The following CREB3L1 variants were observed in gnomAD, a reference collection of about 807,000 sequenced individuals.
CREB3L1 encodes cAMP responsive element binding protein 3 like 1.
CREB3L1 carries 33 observed loss-of-function variants against 54.5 expected under a neutral mutation model. The ratio of observed to expected loss-of-function variants is 0.61; its 90% CI spans 0.46 to 0.81. CREB3L1 has a LOEUF of 0.81. Among genes scored for constraint, CREB3L1 ranks in the 30% least tolerant of loss-of-function variants. CREB3L1 has a pLI of 0.00. For synonymous variants in CREB3L1, 284 were observed against 286.4 expected, an observed-to-expected ratio of 0.99 and a Z score of 0.08; for missense variants, 656 against 673.3, an observed-to-expected ratio of 0.97 and a Z score of 0.29.
chr11:46,287,462 C>T (rs1939070844), intron 1 of CREB3L1, among the ~76,000 whole-genome samples: 1 of 151,932 alleles, frequency 6.6e-6, no homozygotes, highest in Non-Finnish European at 1.5e-5. Context: ...CCATGTCTGG[C>T]TAATTTTTTG....
intron 5 of CREB3L1, 54 bp from the exon 6 acceptor site, chr11:46,312,271 G>C: frequency 1.3e-6 from 2 of 1,492,164 alleles, no homozygotes; most frequent in Non-Finnish European, 9.0e-7. Flanking sequence ...GGCAGAGCTT[G>C]AATTTGAACC....
chr11:46,321,331 C>T lies in CREB3L1; in HGVS notation c.*585C>T, dbSNP rs1939649582. The T allele has an allele frequency of 4.2e-6, 1 of 239,340 alleles. No homozygotes were observed. The highest frequency in any genetic ancestry group is 8.4e-6 in the Non-Finnish European group (1 of 119,228). 14.8% of individuals were successfully genotyped at this position (239,340 alleles called of 1,614,324 possible). A position where few individuals can be genotyped will look rare whatever the true frequency, so the allele number is the denominator to read the frequency against. On this transcript the variant is annotated 3_prime_UTR_variant, in exon 12 of 12. Transcript: ENST00000621158. Reference sequence around the variant, plus strand: ...CCCTGCTGCTGCCCAAGCCGCTGGGCCTTTTTAATTGCCAAACTGCTCTCT... The same window carrying T: ...CCCTGCTGCTGCCCAAGCCGCTGGGTCTTTTTAATTGCCAAACTGCTCTCT...
At chr11:46,280,172 T>G (rs1182829581) in intron 1 of CREB3L1, among the ~76,000 whole-genome samples, 5 of 85,402 alleles carry the variant, frequency 5.9e-5, no homozygotes, top group South Asian at 4.0e-4. Context: ...TCTTTTCTTG[T>G]TTTTTTTTTT....
chr11:46,314,430 A>G (rs1939535780), intron 8 of CREB3L1, among the ~76,000 whole-genome samples: 3 of 151,992 alleles, frequency 2.0e-5, no homozygotes, highest in African/African-American at 7.3e-5. Context: ...TCTGTTGCCC[A>G]TGCTGGAGCG....
intron 2 of CREB3L1, among the ~76,000 whole-genome samples, chr11:46,300,413 A>G (rs2136345767): frequency 6.6e-6 from 1 of 152,376 alleles, no homozygotes; most frequent in Non-Finnish European, 1.5e-5. Flanking sequence ...TTCCCAGACC[A>G]GCAGCATCAC....
rs774123675 is a variant in CREB3L1, at chr11:46,293,831, CTG to C, written c.103-6099_103-6098del. Among the ~76,000 whole-genome samples, 16 of 152,294 alleles carry C rather than the reference CTG, an allele frequency of 1.1e-4. No homozygotes were observed. The East Asian group carries it at 2.7e-3, about 26-fold the overall frequency. On this transcript the variant is annotated intron_variant, in intron 1 of 11. Coordinates refer to ENST00000621158, the MANE Select transcript of CREB3L1 (RefSeq NM_052854.4). ...TGACAGCGAGTATGCGTGACCATGTCTGTGTGATCCTGTGTCTGGGGTGACTT... is the reference window on the plus strand; with the variant it reads ...TGACAGCGAGTATGCGTGACCATGTCTGTGATCCTGTGTCTGGGGTGACTT...
chr11:46,302,283 A>G (rs1387898151), intron 2 of CREB3L1, among the ~76,000 whole-genome samples: 2 of 151,906 alleles, frequency 1.3e-5, no homozygotes, highest in Non-Finnish European at 2.9e-5. Context: ...GTCCTCTGAG[A>G]CGCTACTTGA....
chr11:46,286,981 C>T (rs543731100), intron 1 of CREB3L1, among the ~76,000 whole-genome samples: 1 of 152,284 alleles, frequency 6.6e-6, no homozygotes, highest in South Asian at 2.1e-4. Context: ...TTCCCAGGTG[C>T]GTACTCCCAG....
chr11:46,312,555 G>C (rs764507266), intron 6 of CREB3L1, 57 bp from the exon 7 acceptor site: 10 of 1,607,068 alleles, frequency 6.2e-6, no homozygotes, highest in East Asian at 4.5e-5. Flanking sequence ...AAATTGGGGG[G>C]CCCAGGAAGT....
intron 2 of CREB3L1, among the ~76,000 whole-genome samples, chr11:46,307,177 C>T (rs1241571237): frequency 2.6e-5 from 4 of 152,080 alleles, no homozygotes; most frequent in South Asian, 2.1e-4. Context: ...TGCACCTGGC[C>T]GCTCAAGTGA....
chr11:46,286,999 G>A (rs1022150066), intron 1 of CREB3L1, among the ~76,000 whole-genome samples: 1 of 152,160 alleles, frequency 6.6e-6, no homozygotes, highest in Non-Finnish European at 1.5e-5. Flanking sequence ...CAGGCTCAAC[G>A]TGTGCAGACA....
chr11:46,288,293 G>T (rs1939084522), intron 1 of CREB3L1, among the ~76,000 whole-genome samples: 1 of 152,106 alleles, frequency 6.6e-6, no homozygotes, highest in Admixed American at 6.6e-5. Flanking sequence ...TGTTGGCCAG[G>T]CTGGTCTCAA....
chr11:46,297,521 C>A (rs1939230977), intron 1 of CREB3L1, among the ~76,000 whole-genome samples: 1 of 146,460 alleles, frequency 6.8e-6, no homozygotes, highest in Non-Finnish European at 1.5e-5. Flanking sequence ...GGATGGTGGG[C>A]ACCTCCCTGC....
At chr11:46,304,636 G>C (rs1426525346) in intron 2 of CREB3L1, among the ~76,000 whole-genome samples, 5 of 151,908 alleles carry the variant, frequency 3.3e-5, no homozygotes, top group African/African-American at 1.2e-4. Context: ...GCCCCTCTTA[G>C]GTCAGCCCAG....
chr11:46,286,029 A>AAATCACTTT, intron 1 of CREB3L1, among the ~76,000 whole-genome samples: 1 of 152,138 alleles, frequency 6.6e-6, no homozygotes, highest in Admixed American at 6.5e-5. Flanking sequence ...TTGCTGTGTG[A>AAATCACTTT]CCCTGGGCAA....
chr11:46,301,169 C>CAA (rs774422040), intron 2 of CREB3L1, among the ~76,000 whole-genome samples: 82 of 130,826 alleles, frequency 6.3e-4, no homozygotes, highest in African/African-American at 2.2e-3. Flanking sequence ...AACTCCGTCT[C>CAA]AAAAAAAAAA....
rs1261653689 is a variant in CREB3L1, at chr11:46,300,088, C to A, written c.256C>A (p.His86Asn). ...DSPTPGIQAE[H>N]SYSLSGDSAP... is the part of the protein sequence containing the mutation. ...CCCTACGCCAGGCATCCAGGCGGAGCACAGCTACTCCCTGAGCGGCGACTC... is the reference window on the plus strand; with the variant it reads ...CCCTACGCCAGGCATCCAGGCGGAGAACAGCTACTCCCTGAGCGGCGACTC... Residue 86 changes from histidine (H) to asparagine (N), a missense_variant, in exon 2 of 12, where the codon CAC becomes AAC. Physicochemically the swap from His to Asn is moderately conservative, Grantham distance 68. Transcript: ENST00000621158. The A allele has an allele frequency of 6.2e-7, 1 of 1,613,900 alleles. No individual in the cohort carries two copies. Among genetic ancestry groups the A allele is most frequent in the Non-Finnish European group, 8.5e-7 (1 of 1,179,846 alleles).
chr11:46,315,635 A>T (rs892147678), intron 8 of CREB3L1: 5 of 181,500 alleles, frequency 2.8e-5, no homozygotes, highest in African/African-American at 1.2e-4. Flanking sequence ...AGTTCCAGAC[A>T]AGCCTGGCAA....
chr11:46,293,237 C>T (rs1313413532), intron 1 of CREB3L1, among the ~76,000 whole-genome samples: 1 of 152,232 alleles, frequency 6.6e-6, no homozygotes, highest in Non-Finnish European at 1.5e-5. Flanking sequence ...GCCTATAGAC[C>T]AGCATCTCCA....
Sources: allele counts gnomAD v4.1 joint callset (sites outside exome capture counted in the v4.1 genomes callset), GRCh38; gene constraint gnomAD v4.1.1; transcripts MANE v1.5; gene names NCBI Gene and HGNC (gene_info 2026-07-23, HGNC 2026-07-21).